Variants in RALGPS2 observed in about 807,000 individuals in gnomAD.
RALGPS2 encodes the protein ras-specific guanine nucleotide-releasing factor RalGPS2.
A neutral mutation model predicts 86.8 loss-of-function variants in RALGPS2; 43 were observed. The observed-to-expected ratio is 0.50, with a 90% confidence interval of 0.39 to 0.64. The LOEUF (loss-of-function observed/expected upper bound fraction) is 0.64. Among genes scored for constraint, RALGPS2 ranks in the 30% least tolerant of loss-of-function variants. The pLI is 0.00. For missense variants in RALGPS2, 536 were observed against 694.6 expected, an observed-to-expected ratio of 0.77 and a Z score of 2.57; for synonymous variants, 243 against 231.3, an observed-to-expected ratio of 1.05 and a Z score of -0.46.
intron 9 of RALGPS2, among the ~76,000 whole-genome samples, chr1:178,878,093 T>A (rs1380511361): frequency 6.6e-6 from 1 of 152,114 alleles, no homozygotes; most frequent in African/African-American, 2.4e-5. Context: ...CTGAGACCCT[T>A]GAGCCTCGTG....
intron 1 of RALGPS2, among the ~76,000 whole-genome samples, chr1:178,727,780 A>G (rs760801123): frequency 6.6e-6 from 1 of 152,132 alleles, no homozygotes; most frequent in Admixed American, 6.5e-5. Context: ...TTGGGTACCT[A>G]CTTGGTGCCA....
Position 178,776,748 on chromosome 1 carries a change from G to T in RALGPS2, c.-17G>T, listed in dbSNP as rs1468806666. On this transcript the variant is annotated 5_prime_UTR_variant, in exon 2 of 20. Transcript: ENST00000367635. ...TCTGTTGCTGTTAACATAAGGTCAGGGACTGATGAGGAAAGCATGGACCTA... is the reference window on the plus strand; with the variant it reads ...TCTGTTGCTGTTAACATAAGGTCAGTGACTGATGAGGAAAGCATGGACCTA... 2 of 1,608,802 alleles carry T rather than the reference G, an allele frequency of 1.2e-6. No individual in the cohort carries two copies. Among genetic ancestry groups the T allele is most frequent in the South Asian group, 2.2e-5 (2 of 90,766 alleles).
rs1655733005 is a variant in RALGPS2 at position 178,826,115 on chromosome 1, T to C, written c.480+4411T>C. 2.6e-5 allele frequency among the ~76,000 whole-genome samples: 4 copies of C among 152,208 alleles called. No individual in the cohort carries two copies. In the South Asian group the frequency reaches 8.3e-4, roughly 32 times the overall value. On this transcript the variant is annotated intron_variant, in intron 7 of 19. Coordinates refer to ENST00000367635, the MANE Select transcript of RALGPS2 (RefSeq NM_152663.5). ...AAGGTTTGGGATGGTTTTGTTTTGT[T>C]TTGTTTTAACCGATAAAGGGAATGT...
At chr1:178,845,125 T>G (rs1656808952) in intron 8 of RALGPS2, among the ~76,000 whole-genome samples, 2 of 152,182 alleles carry the variant, frequency 1.3e-5, no homozygotes, top group South Asian at 4.1e-4. Flanking sequence ...AAACCATATT[T>G]TTTGAACTGT....
chr1:178,864,816 A>G (rs917434185), intron 8 of RALGPS2: 1 of 506,544 alleles, frequency 2.0e-6, no homozygotes, highest in Non-Finnish European at 3.1e-6. Context: ...AATTCTTGAT[A>G]TTAATAAAAA....
Position 178,916,418 on chromosome 1 carries a change from A to T in RALGPS2, c.*59A>T. On this transcript the variant is annotated 3_prime_UTR_variant, in exon 20 of 20. Transcript: ENST00000367635. ...TTCTACGTGAGCATGAGGACCTGAT[A>T]AAAGAGCGCCAGCTATAAACCATCC... 6.7e-7 allele frequency: 1 copy of T among 1,490,546 alleles called. No individual in the cohort carries two copies. Among genetic ancestry groups the T allele is most frequent in the Non-Finnish European group, 9.3e-7 (1 of 1,080,790 alleles). 92.3% of individuals were successfully genotyped at this position (1,490,546 alleles called of 1,614,324 possible). A position where few individuals can be genotyped will look rare whatever the true frequency, so the allele number is the denominator to read the frequency against.
chr1:178,735,222 G>A (rs1650604077), intron 1 of RALGPS2, among the ~76,000 whole-genome samples: 1 of 152,042 alleles, frequency 6.6e-6, no homozygotes. Context: ...ATAAAATGGT[G>A]AGCAAAAGAA....
At chr1:178,828,464 A>G (rs561483454) in intron 7 of RALGPS2, among the ~76,000 whole-genome samples, 2 of 152,336 alleles carry the variant, frequency 1.3e-5, no homozygotes, top group East Asian at 3.9e-4. Flanking sequence ...ACAGCACAGT[A>G]AAAAATACAG....
chr1:178,863,939 G>A (rs771186665), intron 8 of RALGPS2, among the ~76,000 whole-genome samples: 4 of 152,086 alleles, frequency 2.6e-5, no homozygotes, highest in Non-Finnish European at 4.4e-5. Flanking sequence ...TTATTTCATA[G>A]TATATGTTTT....
At chr1:178,831,477 T>G (rs1209372375) in intron 7 of RALGPS2, among the ~76,000 whole-genome samples, 1 of 152,128 alleles carries the variant, frequency 6.6e-6, no homozygotes, top group African/African-American at 2.4e-5. Flanking sequence ...TAAGGTGGTG[T>G]TAGATATCTG....
intron 2 of RALGPS2, among the ~76,000 whole-genome samples, chr1:178,783,677 C>G (rs1653504979): frequency 6.6e-6 from 1 of 152,128 alleles, no homozygotes; most frequent in Non-Finnish European, 1.5e-5. Context: ...GCCTCATATC[C>G]TACCACCATT....
chr1:178,846,269 G>C (rs918186169), intron 8 of RALGPS2, among the ~76,000 whole-genome samples: 10 of 151,984 alleles, frequency 6.6e-5, no homozygotes, highest in African/African-American at 2.4e-4. Flanking sequence ...AATGTCATTG[G>C]CTTTTAATAT....
intron 1 of RALGPS2, among the ~76,000 whole-genome samples, chr1:178,737,436 C>T (rs1376433385): frequency 2.0e-5 from 3 of 151,942 alleles, no homozygotes; most frequent in East Asian, 1.9e-4. Context: ...TTAGTAGAGA[C>T]GGGGTTTCAC....
intron 18 of RALGPS2, 98 bp from the exon 19 acceptor site, chr1:178,906,678 A>T: frequency 1.2e-6 from 1 of 862,948 alleles, no homozygotes; most frequent in Non-Finnish European, 1.8e-6. Context: ...AAAACTGAAA[A>T]CTCTAGTCAT....
chr1:178,801,154 G>C (rs1040613905), intron 4 of RALGPS2, among the ~76,000 whole-genome samples: 2 of 152,088 alleles, frequency 1.3e-5, no homozygotes, highest in African/African-American at 4.8e-5. Flanking sequence ...TTGAACTCCT[G>C]ACCTCAGGTG....
In RALGPS2 at chr1:178,764,463, A is replaced by G. The variant is rs527469934; in HGVS notation, c.-83-12219A>G. The stretch of plus-strand genomic sequence containing the variant: ...TAATTGGAGCATTTAGTCCATTTAC[A>G]TTCAAGGTAAGTATTGCGATGTGTG... On this transcript the variant is annotated intron_variant, in intron 1 of 19. Coordinates refer to ENST00000367635, the MANE Select transcript of RALGPS2 (RefSeq NM_152663.5). Among the ~76,000 whole-genome samples, 4 of 152,322 alleles carry G rather than the reference A, an allele frequency of 2.6e-5. No homozygotes were observed. In the East Asian group the frequency reaches 7.7e-4, roughly 29 times the overall value.
At chr1:178,730,125 A>G (rs1650251777) in intron 1 of RALGPS2, among the ~76,000 whole-genome samples, 1 of 152,006 alleles carries the variant, frequency 6.6e-6, no homozygotes, top group Non-Finnish European at 1.5e-5. Context: ...TATTTGTAGT[A>G]GAGACGGGTT....
chr1:178,782,796 AT>A (rs1227181995), intron 2 of RALGPS2, among the ~76,000 whole-genome samples: 2 of 152,316 alleles, frequency 1.3e-5, no homozygotes, highest in East Asian at 3.9e-4. Context: ...GGATAAAAAA[AT>A]GATACTAGAG....
intron 1 of RALGPS2, among the ~76,000 whole-genome samples, chr1:178,762,118 T>C (rs1371380260): frequency 6.6e-6 from 1 of 152,164 alleles, no homozygotes; most frequent in East Asian, 1.9e-4. Flanking sequence ...ATATTTTGTT[T>C]TCTGTTCCTG....
Sources: allele counts gnomAD v4.1 joint callset (sites outside exome capture counted in the v4.1 genomes callset), GRCh38; gene constraint gnomAD v4.1.1; transcripts MANE v1.5; gene names NCBI Gene and HGNC (gene_info 2026-07-23, HGNC 2026-07-21).